Variants in DDX42 observed in about 807,000 individuals in gnomAD.
DDX42 encodes the protein DEAD-box helicase 42.
Under a neutral mutation model 101.5 loss-of-function variants are expected in DDX42, and 22 were observed. The observed-to-expected ratio is 0.22, with a 90% CI of 0.15 to 0.31. DDX42 has a LOEUF of 0.31. DDX42 is among the 10% of genes least tolerant of loss of function. The pLI, the probability that DDX42 is intolerant of heterozygous loss-of-function variation, is 1.00. For missense variants in DDX42, 849 were observed against 1,199.9 expected (o/e 0.71, Z 4.32); for synonymous variants, 402 against 401.2 (o/e 1.00, Z -0.02).
intron 4 of DDX42, among the ~76,000 whole-genome samples, chr17:63,799,032 T>C (rs1183582999): frequency 6.6e-6 from 1 of 152,168 alleles, no homozygotes. Flanking sequence ...CAGCAAGTGG[T>C]GATGGTCCCC....
At chr17:63,778,406 A>C (rs2039446686) in intron 1 of DDX42, among the ~76,000 whole-genome samples, 2 of 152,200 alleles carry the variant, frequency 1.3e-5, no homozygotes, top group Admixed American at 1.3e-4. Flanking sequence ...GCCTGACTTA[A>C]GTCTGCAATA....
At chr17:63,775,672 G>A (rs2039411795) in intron 1 of DDX42, among the ~76,000 whole-genome samples, 1 of 152,138 alleles carries the variant, frequency 6.6e-6, no homozygotes, top group Admixed American at 6.5e-5. Flanking sequence ...AGAGTGTGAA[G>A]ACCAACGCGT....
At chr17:63,810,597 C>G in intron 12 of DDX42, 37 bp downstream of exon 12, 1 of 1,586,000 alleles carries the variant, frequency 6.3e-7, no homozygotes, top group Non-Finnish European at 8.7e-7. Context: ...CAAATTTGTA[C>G]TAAAAAGGGC....
intron 3 of DDX42, among the ~76,000 whole-genome samples, chr17:63,796,615 C>G (rs2039696218): frequency 6.6e-6 from 1 of 152,164 alleles, no homozygotes; most frequent in Non-Finnish European, 1.5e-5. Flanking sequence ...CGCACCCGGC[C>G]CAGATGTCAA....
chr17:63,793,947 T>C (rs2039660872), intron 3 of DDX42, among the ~76,000 whole-genome samples: 1 of 151,672 alleles, frequency 6.6e-6, no homozygotes, highest in Admixed American at 6.6e-5. Flanking sequence ...ATCATATTGG[T>C]ACTTAATGTG....
intron 3 of DDX42, 102 bp downstream of exon 3, chr17:63,792,664 ATTTTT>A: frequency 9.6e-7 from 1 of 1,041,368 alleles, no homozygotes; most frequent in South Asian, 2.3e-5. Flanking sequence ...TAGTCTTATT[ATTTTT>A]TTTTTTTTGA....
chr17:63,791,137 ATTTGAG>A (rs2039623089), intron 2 of DDX42, among the ~76,000 whole-genome samples: 3 of 152,164 alleles, frequency 2.0e-5, no homozygotes, highest in African/African-American at 7.2e-5. Flanking sequence ...TTATATTACT[ATTTGAG>A]TTTGAGATTA....
In DDX42 at chr17:63,818,770, C is replaced by A. The variant is rs187219233; in HGVS notation, c.*372C>A. On this transcript the variant is annotated 3_prime_UTR_variant, in exon 18 of 18. Coordinates refer to ENST00000389924, the MANE Select transcript of DDX42 (RefSeq NM_203499.3). ...CTTATAAGCATCTATAAATTGACTTCTTTTTCTTAGTTGTATGGCCAGGCA... is the reference window on the plus strand; with the variant it reads ...CTTATAAGCATCTATAAATTGACTTATTTTTCTTAGTTGTATGGCCAGGCA... 1.1e-4 allele frequency: 18 copies of A among 168,078 alleles called. No individual in the cohort carries two copies. Among genetic ancestry groups the A allele is most frequent in the Admixed American group, 3.3e-4 (6 of 17,984 alleles). 10.4% of individuals were successfully genotyped at this position (168,078 alleles called of 1,614,324 possible). A position where few individuals can be genotyped will look rare whatever the true frequency, so the allele number is the denominator to read the frequency against.
chr17:63,792,663 TA>T, intron 3 of DDX42, 101 bp downstream of exon 3: 110 of 1,334,670 alleles, frequency 8.2e-5, no homozygotes, highest in Non-Finnish European at 1.0e-4. Flanking sequence ...CTAGTCTTAT[TA>T]TTTTTTTTTT....
chr17:63,811,252 T>C, intron 13 of DDX42, 79 bp downstream of exon 13: 1 of 1,105,220 alleles, frequency 9.0e-7, no homozygotes, highest in Non-Finnish European at 1.3e-6. Context: ...TTTCTCACTA[T>C]TGAGATAAAA....
chr17:63,789,571 GTTT>G (rs538515067), intron 2 of DDX42, among the ~76,000 whole-genome samples: 2 of 45,682 alleles, frequency 4.4e-5, no homozygotes, highest in East Asian at 5.3e-4. Context: ...TTTTGTTTTT[GTTT>G]TTTTTTTTTT....
intron 14 of DDX42, 54 bp downstream of exon 14, chr17:63,812,262 G>GT: frequency 6.4e-7 from 1 of 1,565,896 alleles, no homozygotes; most frequent in Non-Finnish European, 8.6e-7. Context: ...AGGGTACTCT[G>GT]TCTTACTACA....
At chr17:63,797,962 A>G (rs1424602591) in intron 3 of DDX42, 76 bp from the exon 4 acceptor site, 3 of 1,387,314 alleles carry the variant, frequency 2.2e-6, no homozygotes, top group Non-Finnish European at 3.0e-6. Context: ...CTATTATGGC[A>G]CTTGTTCCAA....
intron 1 of DDX42, among the ~76,000 whole-genome samples, chr17:63,783,841 T>G (rs2039516108): frequency 6.6e-6 from 1 of 152,028 alleles, no homozygotes; most frequent in Non-Finnish European, 1.5e-5. Context: ...GGTGGTTGGA[T>G]TGATTGAGGT....
intron 4 of DDX42, among the ~76,000 whole-genome samples, chr17:63,799,298 T>A (rs909390846): frequency 1.3e-5 from 2 of 152,178 alleles, no homozygotes; most frequent in African/African-American, 4.8e-5. Flanking sequence ...ACTAGGACCA[T>A]TTGGTATCTG....
At chr17:63,777,146 T>A (rs1464287630) in intron 1 of DDX42, among the ~76,000 whole-genome samples, 1 of 152,110 alleles carries the variant, frequency 6.6e-6, no homozygotes. Context: ...TGGCCTTAAG[T>A]GATCCTCCCA....
At chr17:63,791,807 A>T (rs1211744602) in intron 2 of DDX42, among the ~76,000 whole-genome samples, 1 of 152,048 alleles carries the variant, frequency 6.6e-6, no homozygotes, top group Non-Finnish European at 1.5e-5. Flanking sequence ...AGTACTTTGG[A>T]GGCTGAGGAG....
chr17:63,797,168 A>G (rs957238483), intron 3 of DDX42, among the ~76,000 whole-genome samples: 8 of 152,086 alleles, frequency 5.3e-5, no homozygotes, highest in Non-Finnish European at 1.2e-4. Context: ...CCTGACCAAC[A>G]TGGAGAAACC....
Position 63,777,202 on chromosome 17 carries a change from C to G in DDX42, c.-17+2826C>G, listed in dbSNP as rs113988035. On this transcript the variant is annotated intron_variant, in intron 1 of 17. Transcript: ENST00000389924. The stretch of plus-strand genomic sequence containing the variant: ...AGGATTACAGGTGTGAGCCACCTTG[C>G]CCAGCCAGCCATAGGATTTAGTGCC... 6.4e-3 allele frequency among the ~76,000 whole-genome samples: 981 copies of G among 152,326 alleles called. 9 individuals carry two copies. Among genetic ancestry groups the G allele is most frequent in the African/African-American group, 0.022 (900 of 41,568 alleles).
Sources: gnomAD v4.1 joint callset for allele counts (sites outside exome capture counted in the v4.1 genomes callset) on GRCh38, gnomAD v4.1.1 for gene constraint, MANE v1.5 for transcripts, NCBI Gene and HGNC (gene_info 2026-07-23, HGNC 2026-07-21) for gene names.